The following DPP10 variants were observed in gnomAD, a reference collection of about 807,000 sequenced individuals.
DPP10 encodes inactive dipeptidyl peptidase 10.
A neutral mutation model predicts 120.9 loss-of-function variants in DPP10; 33 were observed. The ratio of observed to expected loss-of-function variants is 0.27; its 90% CI spans 0.21 to 0.37. DPP10 has a LOEUF of 0.37. DPP10 is among the 10% of genes least tolerant of loss of function. The pLI, the probability that DPP10 is intolerant of heterozygous loss-of-function variation, is 1.00. For synonymous variants in DPP10, 337 were observed against 326.1 expected (o/e 1.03, Z -0.36); for missense variants, 816 against 942.8 (o/e 0.87, Z 1.76).
intron 1 of DPP10, among the ~76,000 whole-genome samples, chr2:114,575,140 G>C (rs1689958973): frequency 6.6e-6 from 1 of 152,160 alleles, no homozygotes; most frequent in South Asian, 2.1e-4. Context: ...GCTGAAAATG[G>C]AAAGTGGGGA....
intron 1 of DPP10, among the ~76,000 whole-genome samples, chr2:114,572,259 CT>C (rs1689714895): frequency 6.6e-6 from 1 of 152,042 alleles, no homozygotes; most frequent in Non-Finnish European, 1.5e-5. Flanking sequence ...TAGTTAAATA[CT>C]TTGAATTGAT....
intron 1 of DPP10, among the ~76,000 whole-genome samples, chr2:115,023,785 G>A (rs770201828): frequency 3.9e-5 from 6 of 152,092 alleles, no homozygotes; most frequent in South Asian, 2.1e-4. Context: ...TAAAGAAAAT[G>A]TGGTACTGTG....
chr2:114,633,087 C>T (rs1695054764), intron 1 of DPP10, among the ~76,000 whole-genome samples: 1 of 151,444 alleles, frequency 6.6e-6, no homozygotes, highest in Non-Finnish European at 1.5e-5. Flanking sequence ...GATGTGCTTA[C>T]TGCTATTGGG....
intron 3 of DPP10, among the ~76,000 whole-genome samples, chr2:115,428,079 A>G (rs1340454124): frequency 1.3e-5 from 2 of 152,192 alleles, no homozygotes; most frequent in Non-Finnish European, 2.9e-5. Flanking sequence ...CACACATGAC[A>G]TTTGCTCCAG....
chr2:114,499,291 T>G (rs2104500954), intron 1 of DPP10, among the ~76,000 whole-genome samples: 1 of 152,246 alleles, frequency 6.6e-6, no homozygotes, highest in African/African-American at 2.4e-5. Flanking sequence ...GGGCAGGGAG[T>G]TAACACCCTT....
chr2:115,223,051 G>A (rs1244259702), intron 1 of DPP10, among the ~76,000 whole-genome samples: 1 of 152,058 alleles, frequency 6.6e-6, no homozygotes, highest in Non-Finnish European at 1.5e-5. Flanking sequence ...ATATATCTGT[G>A]AATGGTGTTT....
intron 1 of DPP10, among the ~76,000 whole-genome samples, chr2:114,561,873 T>C (rs1249459126): frequency 1.3e-5 from 2 of 152,332 alleles, no homozygotes; most frequent in East Asian, 3.9e-4. Context: ...TGAACATGAC[T>C]TCTTGACTAC....
chr2:114,591,113 A>G (rs1197114430), intron 1 of DPP10, among the ~76,000 whole-genome samples: 1 of 152,218 alleles, frequency 6.6e-6, no homozygotes. Context: ...GAGAAGGGTT[A>G]GTGGCAGAAG....
intron 3 of DPP10, among the ~76,000 whole-genome samples, chr2:115,386,735 GTTTTCC>G (rs1017039956): frequency 2.0e-5 from 3 of 152,032 alleles, no homozygotes; most frequent in African/African-American, 7.2e-5. Context: ...AAGGACAGAG[GTTTTCC>G]TTAAATATGC....
At chr2:114,599,443 G>T (rs1436624387) in intron 1 of DPP10, among the ~76,000 whole-genome samples, 1 of 151,716 alleles carries the variant, frequency 6.6e-6, no homozygotes, top group Non-Finnish European at 1.5e-5. Flanking sequence ...CCATAGATTA[G>T]TTTTTTCTAC....
At chr2:114,667,286 A>G (rs1287553779) in intron 1 of DPP10, among the ~76,000 whole-genome samples, 2 of 152,212 alleles carry the variant, frequency 1.3e-5, no homozygotes, top group Admixed American at 6.5e-5. Context: ...GCCTTAAACT[A>G]TAGTCATTGC....
chr2:115,062,293 A>G (rs1219428878), intron 1 of DPP10, among the ~76,000 whole-genome samples: 1 of 152,262 alleles, frequency 6.6e-6, no homozygotes, highest in East Asian at 1.9e-4. Context: ...AAGGATCAGT[A>G]AATTTGTCTT....
At chr2:114,626,389 AC>A (rs2105353176) in intron 1 of DPP10, among the ~76,000 whole-genome samples, 1 of 152,114 alleles carries the variant, frequency 6.6e-6, no homozygotes, top group African/African-American at 2.4e-5. Context: ...TGTTTTCTTT[AC>A]TTTCAGAATT....
intron 3 of DPP10, among the ~76,000 whole-genome samples, chr2:115,453,179 G>C (rs569549499): frequency 1.6e-4 from 24 of 151,446 alleles, no homozygotes; most frequent in Admixed American, 1.6e-3. Flanking sequence ...AGATATTCTT[G>C]AGTAGTTATT....
intron 1 of DPP10, among the ~76,000 whole-genome samples, chr2:114,553,818 T>C (rs1025254136): frequency 2.6e-5 from 4 of 152,184 alleles, no homozygotes; most frequent in African/African-American, 9.6e-5. Flanking sequence ...GCCTATGCCA[T>C]AACCTTTGAA....
At chr2:114,960,361 T>A (rs1698517229) in intron 1 of DPP10, among the ~76,000 whole-genome samples, 1 of 54,008 alleles carries the variant, frequency 1.9e-5, no homozygotes, top group Non-Finnish European at 3.6e-5. Flanking sequence ...ACAGAGTGTA[T>A]GTGCGTATAT....
chr2:115,718,861 T>C (rs1350787620), intron 7 of DPP10, among the ~76,000 whole-genome samples: 2 of 151,964 alleles, frequency 1.3e-5, no homozygotes, highest in South Asian at 2.1e-4. Context: ...AAGGAGAAAG[T>C]TGGGTAGAGA....
intron 5 of DPP10, among the ~76,000 whole-genome samples, chr2:115,647,783 A>T (rs2087397227): frequency 6.6e-6 from 1 of 152,128 alleles, no homozygotes; most frequent in Non-Finnish European, 1.5e-5. Flanking sequence ...CCTCCCTAAC[A>T]CTGAGTGAAG....
intron 1 of DPP10, among the ~76,000 whole-genome samples, chr2:115,308,968 T>A (rs1015062517): frequency 6.6e-6 from 1 of 152,116 alleles, no homozygotes; most frequent in Non-Finnish European, 1.5e-5. Flanking sequence ...ATCATCCTGG[T>A]GTTTATAGTC....
Sources: allele counts gnomAD v4.1 joint callset (sites outside exome capture counted in the v4.1 genomes callset), GRCh38; gene constraint gnomAD v4.1.1; transcripts MANE v1.5; gene names NCBI Gene and HGNC (gene_info 2026-07-23, HGNC 2026-07-21).